SEC24A: variants seen among roughly 807,000 people sequenced by gnomAD.
SEC24A encodes protein transport protein Sec24A.
In SEC24A, 93 loss-of-function variants were observed where a neutral mutation model predicts 129.4. That is an observed-to-expected ratio of 0.72 (90% CI 0.61 to 0.85). The LOEUF (loss-of-function observed/expected upper bound fraction) is 0.85. Ranked by LOEUF, SEC24A falls within the 40% of genes least tolerant of loss-of-function variation. The pLI, the probability that SEC24A is intolerant of heterozygous loss-of-function variation, is 0.00. For synonymous variants in SEC24A, 460 were observed against 467.3 expected, an observed-to-expected ratio of 0.98 and a Z score of 0.20; for missense variants, 1,264 against 1,307.4, an observed-to-expected ratio of 0.97 and a Z score of 0.51.
chr5:134,654,779 C>T (rs940350765), intron 1 of SEC24A, among the ~76,000 whole-genome samples: 5 of 152,006 alleles, frequency 3.3e-5, no homozygotes, highest in African/African-American at 1.2e-4. Context: ...TACAGTGGTG[C>T]AGTCTTGGCT....
At chr5:134,705,941 G>T (rs1445403522) in intron 17 of SEC24A, among the ~76,000 whole-genome samples, 6 of 148,818 alleles carry the variant, frequency 4.0e-5, no homozygotes, top group Non-Finnish European at 8.9e-5. Context: ...AGGCTGGAGT[G>T]TAATGGCGCA....
Position 134,698,052 on chromosome 5 carries a change from C to T in SEC24A, c.2261C>T (p.Thr754Ile). 6.2e-7 allele frequency: 1 copy of T among 1,602,046 alleles called. No individual in the cohort carries two copies. Among genetic ancestry groups the T allele is most frequent in the South Asian group, 1.1e-5 (1 of 87,860 alleles). The change falls in exon 15 of 23, where the codon ACC (threonine) becomes ATC (isoleucine). Residue 754 changes from threonine (T) to isoleucine (I), a missense_variant. By Grantham distance (89) the Thr-to-Ile change is moderately conservative. Transcript: ENST00000398844. ...GAGGCAGTCATGAGGATTCGGTGCA[C>T]CAAAGGTAGGAATATTTTTTTTTTG... ...GFEAVMRIRC[T>I]KGLSIHTFHG... is the part of the protein sequence containing the mutation.
chr5:134,667,639 A>C (rs1750708230), intron 3 of SEC24A, among the ~76,000 whole-genome samples: 1 of 145,460 alleles, frequency 6.9e-6, no homozygotes, highest in African/African-American at 2.6e-5. Flanking sequence ...GGGCGACAGA[A>C]CCAGACTCCG....
chr5:134,674,800 A>T, intron 5 of SEC24A, 25 bp downstream of exon 5: 1 of 1,604,662 alleles, frequency 6.2e-7, no homozygotes, highest in Non-Finnish European at 8.5e-7. Context: ...ATTTTCTTTA[A>T]CCTATTTCTC....
chr5:134,675,349 C>A (rs868678834), intron 6 of SEC24A, 132 bp downstream of exon 6: 2 of 652,252 alleles, frequency 3.1e-6, no homozygotes, highest in African/African-American at 3.6e-5. Flanking sequence ...TGATAGAACT[C>A]TTTTACTTGT....
intron 1 of SEC24A, among the ~76,000 whole-genome samples, chr5:134,650,115 C>T (rs983886577): frequency 2.0e-5 from 3 of 152,048 alleles, no homozygotes; most frequent in East Asian, 3.8e-4. Context: ...TAGAGAAGAC[C>T]GCTGTTTTCT....
At chr5:134,654,967 G>T (rs1750190535) in intron 1 of SEC24A, among the ~76,000 whole-genome samples, 1 of 151,752 alleles carries the variant, frequency 6.6e-6, no homozygotes. Flanking sequence ...CTCCCACCTT[G>T]GCCTCCCAAA....
chr5:134,681,353 TTGCA>T (rs1381131932), intron 8 of SEC24A, among the ~76,000 whole-genome samples: 6 of 151,864 alleles, frequency 4.0e-5, no homozygotes, highest in Non-Finnish European at 5.9e-5. Flanking sequence ...TGAACCGAGA[TTGCA>T]CCATTGCACT....
At position 134,697,172 on chromosome 5, in the gene SEC24A, T is replaced by G; in HGVS notation, c.2033T>G (p.Leu678Trp). ...PSTDFYKKLA[L>W]DCSGQQVAVD... Reference sequence around the variant, plus strand: ...ACTGACTTCTATAAGAAATTAGCCTTGGACTGTTCTGGTCAGCAAGTTGCT... The same window carrying G: ...ACTGACTTCTATAAGAAATTAGCCTGGGACTGTTCTGGTCAGCAAGTTGCT... The change falls in exon 14 of 23, where the codon TTG (leucine) becomes TGG (tryptophan). Residue 678 changes from leucine (L) to tryptophan (W), a missense_variant. Physicochemically the swap from Leu to Trp is moderately conservative, Grantham distance 61. Coordinates refer to ENST00000398844, the MANE Select transcript of SEC24A (RefSeq NM_021982.3). The G allele has an allele frequency of 6.3e-7, 1 of 1,592,630 alleles. No individual in the cohort carries two copies. Among genetic ancestry groups the G allele is most frequent in the Non-Finnish European group, 8.6e-7 (1 of 1,162,032 alleles).
intron 16 of SEC24A, among the ~76,000 whole-genome samples, chr5:134,704,867 G>A (rs1420958373): frequency 6.6e-6 from 1 of 150,378 alleles, no homozygotes; most frequent in Non-Finnish European, 1.5e-5. Flanking sequence ...AATAGAGATA[G>A]GGTCTTACTA....
chr5:134,709,485 A>C (rs955817060), intron 18 of SEC24A, among the ~76,000 whole-genome samples: 1 of 152,188 alleles, frequency 6.6e-6, no homozygotes, highest in Non-Finnish European at 1.5e-5. Flanking sequence ...TTTCCAGAAC[A>C]AGAATTGTAT....
At chr5:134,659,297 C>G (rs994758778) in intron 1 of SEC24A, among the ~76,000 whole-genome samples, 1 of 151,976 alleles carries the variant, frequency 6.6e-6, no homozygotes, top group South Asian at 2.1e-4. Flanking sequence ...TGGTCTTGAT[C>G]TCCTGACCTC....
intron 9 of SEC24A, 116 bp downstream of exon 9, chr5:134,682,598 C>T: frequency 3.6e-6 from 2 of 552,736 alleles, no homozygotes; most frequent in Non-Finnish European, 6.4e-6. Context: ...CAGAGTTTCA[C>T]TCTCATTGCC....
chr5:134,668,786 CTCGGG>C (rs1750755125), intron 3 of SEC24A, among the ~76,000 whole-genome samples: 1 of 151,782 alleles, frequency 6.6e-6, no homozygotes. Flanking sequence ...ATCCCAGCTA[CTCGGG>C]AGGCTGAGAC....
intron 6 of SEC24A, 37 bp from the exon 7 acceptor site, chr5:134,675,986 T>G: frequency 1.4e-6 from 2 of 1,396,358 alleles, no homozygotes; most frequent in Non-Finnish European, 2.0e-6. Flanking sequence ...AAAATAATCA[T>G]AGCAGCAACT....
intron 1 of SEC24A, among the ~76,000 whole-genome samples, chr5:134,652,553 C>G (rs150856521): frequency 6.7e-6 from 1 of 149,152 alleles, no homozygotes; most frequent in Non-Finnish European, 1.5e-5. Flanking sequence ...ACTAAAGTGC[C>G]GGGATTACAG....
intron 1 of SEC24A, 80 bp downstream of exon 1, chr5:134,649,253 A>T (rs113944741): frequency 9.6e-7 from 1 of 1,037,408 alleles, no homozygotes; most frequent in Non-Finnish European, 1.4e-6. Context: ...GAGGCGACAT[A>T]GATAGAGAGA....
Position 134,711,535 on chromosome 5 carries a change from A to G in SEC24A, c.2727+2647A>G, listed in dbSNP as rs568798462. Among the ~76,000 whole-genome samples the G allele has an allele frequency of 8.6e-5, 13 of 151,312 alleles. No individual in the cohort carries two copies. The East Asian group carries it at 2.3e-3, about 27-fold the overall frequency. On this transcript the variant is annotated intron_variant, in intron 18 of 22. Transcript: ENST00000398844. Reference sequence around the variant, plus strand: ...TACCCCTACAAAAAAAAGTTTTTTAATAAGAAAAATAAAGGACTGCTCTGC... The same window carrying G: ...TACCCCTACAAAAAAAAGTTTTTTAGTAAGAAAAATAAAGGACTGCTCTGC...
intron 21 of SEC24A, among the ~76,000 whole-genome samples, chr5:134,722,920 G>A (rs1184434627): frequency 2.0e-5 from 3 of 151,772 alleles, no homozygotes; most frequent in African/African-American, 7.3e-5. Context: ...TTGGGAGGCC[G>A]AGGTGGGCAG....
Sources: allele counts gnomAD v4.1 joint callset (sites outside exome capture counted in the v4.1 genomes callset), GRCh38; gene constraint gnomAD v4.1.1; transcripts MANE v1.5; gene names NCBI Gene and HGNC (gene_info 2026-07-23, HGNC 2026-07-21).